The following C3orf49 variants were observed in gnomAD, a reference collection of about 807,000 sequenced individuals.
The protein encoded by C3orf49 is chromosome 3 open reading frame 49, also known as putative uncharacterized protein C3orf49.
In C3orf49, 27 loss-of-function variants were observed where a neutral mutation model predicts 13.3. That is an observed-to-expected ratio of 2.02 (90% CI 1.49 to 2.79). The LOEUF (loss-of-function observed/expected upper bound fraction) is 2.79, where lower values mean the gene tolerates loss of function less well. C3orf49 is among the 30% of genes most tolerant of loss of function. C3orf49 has a pLI of 0.00. For synonymous variants in C3orf49, 87 were observed against 47.6 expected (o/e 1.83, Z -3.40); for missense variants, 242 against 134.2 (o/e 1.80, Z -3.97).
In C3orf49 at chr3:63,823,305, G is replaced by T. The variant is rs1469454310; in HGVS notation, c.181G>T (p.Glu61Ter). 1 of 702,942 alleles carries T rather than the reference G, an allele frequency of 1.4e-6. No homozygotes were observed. The highest frequency in any genetic ancestry group is 2.6e-6 in the Non-Finnish European group (1 of 385,030). 43.5% of individuals were successfully genotyped at this position (702,942 alleles called of 1,614,324 possible). Residue 61 changes from glutamate (E) to a stop codon, truncating the protein, a stop_gained, in exon 2 of 7, where the codon GAG becomes TAG. Coordinates refer to ENST00000295896, the MANE Select transcript of C3orf49 (RefSeq NM_001355236.2). LOFTEE classifies it high-confidence loss of function. ...LLKQNVLVPK[E>*]ESSSDSDMGF... is the part of the protein sequence containing the mutation. ...AAAACAAAATGTATTGGTCCCTAAA[G>T]AGGAATCATCCAGTGATAGTGACAT...
intron 5 of C3orf49, among the ~76,000 whole-genome samples, chr3:63,844,008 T>C (rs556329168): frequency 6.6e-6 from 1 of 151,920 alleles, no homozygotes; most frequent in East Asian, 1.9e-4. Context: ...AACAATGAAA[T>C]ACTATTCAAC....
At chr3:63,785,628 A>G in the C3orf49 span, among the ~76,000 whole-genome samples, 2 of 152,172 alleles carry the variant, frequency 1.3e-5, no homozygotes, top group African/African-American at 4.8e-5. Flanking sequence ...GTGTGCATTA[A>G]CTTTTTAAAG....
chr3:63,815,875 G>A (rs933835949), upstream of C3orf49, among the ~76,000 whole-genome samples: 1 of 150,736 alleles, frequency 6.6e-6, no homozygotes, highest in African/African-American at 2.4e-5. Context: ...CAAGCGAGGA[G>A]GCGTGAAGCC....
chr3:63,804,880 G>T, the C3orf49 span, among the ~76,000 whole-genome samples: 1 of 152,136 alleles, frequency 6.6e-6, no homozygotes, highest in Non-Finnish European at 1.5e-5. Flanking sequence ...GGATCTTGAT[G>T]TCCCTAAGGA....
intron 2 of C3orf49, among the ~76,000 whole-genome samples, chr3:63,824,746 C>T (rs1461107309): frequency 2.0e-5 from 3 of 146,706 alleles, no homozygotes; most frequent in Admixed American, 7.1e-5. Context: ...CTGAAGTGGG[C>T]GAATCGCTTG....
intron 5 of C3orf49, chr3:63,835,506 G>A: frequency 1.2e-6 from 1 of 807,860 alleles, no homozygotes; most frequent in South Asian, 1.9e-5. Flanking sequence ...GGCTTATAAG[G>A]AGTTATAACA....
At chr3:63,782,740 C>A in the C3orf49 span, 1 of 152,198 alleles carries the variant, frequency 6.6e-6, no homozygotes, top group East Asian at 1.9e-4. Flanking sequence ...GTTGAAAGGA[C>A]AGGCAGGAAC....
intron 5 of C3orf49, among the ~76,000 whole-genome samples, chr3:63,842,648 T>C (rs60290153): frequency 0.021 from 3,200 of 152,118 alleles, 95 homozygotes; most frequent in African/African-American, 0.072. Flanking sequence ...AGCTAAGCTA[T>C]GAGGACACCA....
At chr3:63,821,826 A>G (rs1400043904) in intron 1 of C3orf49, among the ~76,000 whole-genome samples, 1 of 152,142 alleles carries the variant, frequency 6.6e-6, no homozygotes, top group African/African-American at 2.4e-5. Flanking sequence ...ATGTGGCTAT[A>G]AAACATGAGG....
chr3:63,819,586 G>A lies in C3orf49; in HGVS notation c.115G>A (p.Gly39Arg). 1.4e-6 allele frequency: 1 copy of A among 703,390 alleles called. No individual in the cohort carries two copies. Among genetic ancestry groups the A allele is most frequent in the East Asian group, 2.7e-5 (1 of 37,290 alleles). The allele number at this position is 703,390 out of a possible 1,614,324, so 43.6% of individuals were successfully genotyped here. The change falls in exon 1 of 7, where the codon GGG (glycine) becomes AGG (arginine). Residue 39 changes from glycine to arginine, a missense_variant. Coordinates refer to ENST00000295896, the MANE Select transcript of C3orf49 (RefSeq NM_001355236.2). ...GAAAAATGGCTCATTCAAAAGGAAGGGGATAGAAAGGTAACAGAGATTCAT... is the reference window on the plus strand; with the variant it reads ...GAAAAATGGCTCATTCAAAAGGAAGAGGATAGAAAGGTAACAGAGATTCAT... ...KKKNGSFKRKGIERWHRAVST... is the reference protein window; with the variant it reads ...KKKNGSFKRKRIERWHRAVST...
At chr3:63,803,865 A>G in the C3orf49 span, among the ~76,000 whole-genome samples, 4 of 152,068 alleles carry the variant, frequency 2.6e-5, no homozygotes, top group Admixed American at 6.6e-5. Flanking sequence ...TGTAATATAT[A>G]ATACAATTAT....
At chr3:63,811,934 TA>T in the C3orf49 span, among the ~76,000 whole-genome samples, 316 of 145,974 alleles carry the variant, frequency 2.2e-3, 2 homozygotes, top group African/African-American at 7.2e-3. Flanking sequence ...AATTTAAAAT[TA>T]AAAAAAAAAA....
chr3:63,796,939 C>T, the C3orf49 span, among the ~76,000 whole-genome samples: 1 of 152,066 alleles, frequency 6.6e-6, no homozygotes, highest in African/African-American at 2.4e-5. Flanking sequence ...TGAATTTCCT[C>T]AGTTTTTGTT....
chr3:63,800,063 C>T, the C3orf49 span, among the ~76,000 whole-genome samples: 1 of 152,246 alleles, frequency 6.6e-6, no homozygotes, highest in East Asian at 1.9e-4. Flanking sequence ...ACCTGGACAA[C>T]CCAGACCTTA....
At chr3:63,818,632 C>G (rs1288280493), upstream of C3orf49, among the ~76,000 whole-genome samples, 2 of 152,174 alleles carry the variant, frequency 1.3e-5, no homozygotes, top group Non-Finnish European at 2.9e-5. Context: ...ACTCCCAGAA[C>G]CTTTCTAGAG....
intron 5 of C3orf49, among the ~76,000 whole-genome samples, chr3:63,840,563 C>T (rs921729195): frequency 2.0e-5 from 3 of 151,976 alleles, no homozygotes; most frequent in Non-Finnish European, 2.9e-5. Context: ...TGGACTCCAG[C>T]GCCTATTGGC....
Position 63,823,318 on chromosome 3 carries a change from G to C in C3orf49, c.194G>C (p.Ser65Thr), listed in dbSNP as rs548626468. The C allele has an allele frequency of 3.6e-5, 25 of 703,098 alleles. 1 individual carries two copies. The African/African-American group carries it at 4.2e-4, about 12-fold the overall frequency. 43.6% of individuals were successfully genotyped at this position (703,098 alleles called of 1,614,324 possible). A position where few individuals can be genotyped will look rare whatever the true frequency, so the allele number is the denominator to read the frequency against. Residue 65 changes from serine (S) to threonine (T), a missense_variant, in exon 2 of 7, where the codon AGT becomes ACT. Physicochemically the swap from Ser to Thr is moderately conservative, Grantham distance 58. Transcript: ENST00000295896. ...NVLVPKEESS[S>T]DSDMGFHESQ... ...TTGGTCCCTAAAGAGGAATCATCCA[G>C]TGATAGTGACATGGGATTTCATGAA...
chr3:63,800,074 A>C, the C3orf49 span, among the ~76,000 whole-genome samples: 1 of 152,160 alleles, frequency 6.6e-6, no homozygotes, highest in Admixed American at 6.5e-5. Context: ...CCAGACCTTA[A>C]TCATTTTCAC....
chr3:63,835,094 C>T, intron 5 of C3orf49: 3 of 1,520,716 alleles, frequency 2.0e-6, no homozygotes, highest in East Asian at 2.3e-5. Flanking sequence ...TCAAAAGGTA[C>T]ATCCCTGGGT....
Sources: gnomAD v4.1 joint callset for allele counts (sites outside exome capture counted in the v4.1 genomes callset) on GRCh38, gnomAD v4.1.1 for gene constraint, MANE v1.5 for transcripts, NCBI Gene and HGNC (gene_info 2026-07-23, HGNC 2026-07-21) for gene names.